BMS1: variants seen among roughly 807,000 people sequenced by gnomAD.
BMS1 encodes the protein BMS1 ribosome biogenesis factor, also known as ribosome biogenesis protein BMS1 homolog.
A neutral mutation model predicts 138.7 loss-of-function variants in BMS1; 53 were observed. The ratio of observed to expected loss-of-function variants is 0.38; its 90% CI spans 0.31 to 0.48. The LOEUF is 0.48. BMS1 is among the 20% of genes least tolerant of loss of function. The pLI is 0.97. For synonymous variants in BMS1, 504 were observed against 539.9 expected, an observed-to-expected ratio of 0.93 and a Z score of 0.92; for missense variants, 1,360 against 1,565.5, an observed-to-expected ratio of 0.87 and a Z score of 2.22.
At chr10:42,805,876 T>C (rs1226413805) in intron 13 of BMS1, among the ~76,000 whole-genome samples, 1 of 152,176 alleles carries the variant, frequency 6.6e-6, no homozygotes, top group African/African-American at 2.4e-5. Flanking sequence ...CTCAGCTCAC[T>C]GCAGCCTCTG....
Position 42,793,027 on chromosome 10 carries a change from G to A in BMS1, c.972G>A (p.Lys324=). ...CTTGCGCTCTTCCTGAACAACAAAA[G>A]AAGCGCTGTTTAAATGAGAAGGAGA... ...PDPCALPEQQ[K]KRCLNEKEKL... Residue 324 remains lysine (K), a synonymous_variant, in exon 8 of 23, where the codon AAG becomes AAA. Transcript: ENST00000374518. The A allele has an allele frequency of 6.2e-7, 1 of 1,613,628 alleles. No individual in the cohort carries two copies. Among genetic ancestry groups the A allele is most frequent in the Non-Finnish European group, 8.5e-7 (1 of 1,179,942 alleles).
At chr10:42,820,140 A>G in intron 15 of BMS1, 96 bp from the exon 16 acceptor site, 3 of 1,449,584 alleles carry the variant, frequency 2.1e-6, no homozygotes, top group Non-Finnish European at 1.9e-6. Flanking sequence ...TTCTGTCCAC[A>G]GTTCCTTTAC....
intron 1 of BMS1, 80 bp downstream of exon 1, chr10:42,782,910 G>C (rs1326040256): frequency 6.6e-6 from 1 of 152,610 alleles, no homozygotes; most frequent in African/African-American, 2.4e-5. Context: ...TCGTGCGTGT[G>C]GGAAGGTCCT....
intron 4 of BMS1, 100 bp downstream of exon 4, chr10:42,787,347 A>C: frequency 1.0e-6 from 1 of 960,770 alleles, no homozygotes; most frequent in Non-Finnish European, 1.6e-6. Context: ...ATAATTATTA[A>C]AAGAATCATG....
chr10:42,806,898 T>C (rs1842028492), intron 13 of BMS1, among the ~76,000 whole-genome samples: 1 of 152,210 alleles, frequency 6.6e-6, no homozygotes, highest in Non-Finnish European at 1.5e-5. Context: ...CAGAGAGATC[T>C]CCTGTATCTT....
rs1841699335 is a variant in BMS1, at chr10:42,796,787, G to A, written c.1543G>A (p.Glu515Lys). ...TGACCTTGAGAGGAGCTCAGCGGAA[G>A]AAGGGGAAGCGGAGGAAGCTGATGA... ...DDDLERSSAE[E>K]GEAEEADESS... The change falls in exon 10 of 23, where the codon GAA (glutamate) becomes AAA (lysine). Residue 515 changes from glutamate (E) to lysine (K), a missense_variant. Glu to Lys is a moderately conservative substitution (Grantham distance 56). Around this residue, in one of 3 missense-constraint regions of BMS1, gnomAD observed 697 missense variants for 686.2 expected, o/e 1.02. Coordinates refer to ENST00000374518, the MANE Select transcript of BMS1 (RefSeq NM_014753.4). The A allele has an allele frequency of 1.9e-6, 3 of 1,614,242 alleles. No individual in the cohort carries two copies. The highest frequency in any genetic ancestry group is 2.5e-6 in the Non-Finnish European group (3 of 1,180,046).
chr10:42,799,763 T>C (rs553502504), intron 12 of BMS1, among the ~76,000 whole-genome samples: 1 of 152,328 alleles, frequency 6.6e-6, no homozygotes, highest in South Asian at 2.1e-4. Context: ...TAGTCCAGCC[T>C]CTTAAGGTGA....
At chr10:42,830,162 T>C in intron 21 of BMS1, 99 bp from the exon 22 acceptor site, 1 of 1,388,922 alleles carries the variant, frequency 7.2e-7, no homozygotes, top group Non-Finnish European at 9.9e-7. Flanking sequence ...GTTACTAATC[T>C]TGTGGAAAAG....
At chr10:42,785,431 T>C (rs1338451271) in intron 2 of BMS1, 51 bp from the exon 3 acceptor site, 2 of 1,503,834 alleles carry the variant, frequency 1.3e-6, no homozygotes, top group Admixed American at 4.1e-5. Context: ...TTTTACTCTA[T>C]TTTGAAAATG....
At position 42,793,093 on chromosome 10, in the gene BMS1, G is replaced by A. The variant is rs1394830193; in HGVS notation, c.1038G>A (p.Leu346=). The change falls in exon 8 of 23, where the codon CTG becomes CTA. Residue 346 remains leucine, a synonymous_variant. Transcript: ENST00000374518. ...YAPLSGVGGV[L]YDKDAVYVDL... ...CTCTTTCTGGAGTTGGGGGTGTGCT[G>A]TATGACAAAGACGCTGTCTATGTTG... 2.5e-6 allele frequency: 4 copies of A among 1,613,782 alleles called. No homozygotes were observed. Among genetic ancestry groups the A allele is most frequent in the South Asian group, 1.1e-5 (1 of 91,052 alleles).
intron 5 of BMS1, 143 bp downstream of exon 5, chr10:42,790,654 G>A: frequency 1.1e-6 from 1 of 944,034 alleles, no homozygotes; most frequent in Non-Finnish European, 1.6e-6. Flanking sequence ...AGAGTTTTGA[G>A]CTCAGGGCAA....
At chr10:42,826,246 T>C in intron 21 of BMS1, among the ~76,000 whole-genome samples, 1 of 80,830 alleles carries the variant, frequency 1.2e-5, no homozygotes, top group Non-Finnish European at 2.7e-5. Context: ...GTTGTGTGTG[T>C]GTGTGTGTGT....
At chr10:42,829,069 A>G (rs1842733048) in intron 21 of BMS1, among the ~76,000 whole-genome samples, 1 of 152,232 alleles carries the variant, frequency 6.6e-6, no homozygotes, top group Non-Finnish European at 1.5e-5. Context: ...TGACTTTAAC[A>G]AAAGCCTAGG....
chr10:42,829,550 A>G (rs1231118592), intron 21 of BMS1, among the ~76,000 whole-genome samples: 1 of 152,194 alleles, frequency 6.6e-6, no homozygotes, highest in Non-Finnish European at 1.5e-5. Flanking sequence ...GTGGTGGCTC[A>G]TGCCTGTAAT....
At chr10:42,787,616 A>G (rs947595890) in intron 4 of BMS1, among the ~76,000 whole-genome samples, 1 of 152,212 alleles carries the variant, frequency 6.6e-6, no homozygotes, top group Non-Finnish European at 1.5e-5. Flanking sequence ...ACTGCTTTCT[A>G]CAAATTTAGC....
intron 8 of BMS1, 112 bp from the exon 9 acceptor site, chr10:42,793,740 G>A (rs1334761019): frequency 2.3e-6 from 3 of 1,280,072 alleles, no homozygotes; most frequent in East Asian, 4.7e-5. Context: ...GAGGCATTAA[G>A]AAAGGTTCTT....
intron 3 of BMS1, among the ~76,000 whole-genome samples, chr10:42,786,803 G>T (rs557874138): frequency 1.3e-5 from 2 of 152,226 alleles, no homozygotes; most frequent in African/African-American, 4.8e-5. Flanking sequence ...CATTATGTTT[G>T]AGGATGTTTG....
intron 15 of BMS1, among the ~76,000 whole-genome samples, chr10:42,819,316 G>A (rs933519590): frequency 2.6e-5 from 4 of 152,364 alleles, no homozygotes; most frequent in South Asian, 2.1e-4. Flanking sequence ...CGAGATGCAC[G>A]TCAGTGCTTC....
chr10:42,793,744 GGTTCTTAGGAAAT>G, intron 8 of BMS1, 95 bp from the exon 9 acceptor site: 1 of 1,295,466 alleles, frequency 7.7e-7, no homozygotes, highest in Non-Finnish European at 1.1e-6. Flanking sequence ...CATTAAGAAA[GGTTCTTAGGAAAT>G]GTGTCTAAGA....
Sources: allele counts gnomAD v4.1 joint callset (sites outside exome capture counted in the v4.1 genomes callset), GRCh38; gene constraint gnomAD v4.1.1; regional missense constraint gnomAD v4.1.1; transcripts MANE v1.5; gene names NCBI Gene and HGNC (gene_info 2026-07-23, HGNC 2026-07-21).